PHEX: variants seen among roughly 807,000 people sequenced by gnomAD.
PHEX encodes the protein phosphate regulating endopeptidase X-linked, also known as phosphate-regulating neutral endopeptidase PHEX.
In PHEX, 16 loss-of-function variants were observed where a neutral mutation model predicts 68.0. The observed-to-expected ratio is 0.24, with a 90% CI of 0.16 to 0.36. The LOEUF (loss-of-function observed/expected upper bound fraction) is 0.36, where lower values mean the gene tolerates loss of function less well. Ranked by LOEUF, PHEX falls within the 10% of genes least tolerant of loss-of-function variation. PHEX has a pLI of 1.00. For missense variants in PHEX, 480 were observed against 575.5 expected (o/e 0.83, Z 1.70); for synonymous variants, 208 against 205.1 (o/e 1.01, Z -0.12).
At chrX:22,081,698 G>A (rs1929401717) in intron 5 of PHEX, among the ~76,000 whole-genome samples, 1 of 111,417 alleles carries the variant, frequency 9.0e-6, no homozygotes. Flanking sequence ...AATCTACACA[G>A]CGTACTTCTG....
chrX:22,068,340 G>T (rs1481176108), intron 3 of PHEX, among the ~76,000 whole-genome samples: 3 of 111,566 alleles, frequency 2.7e-5, no homozygotes, highest in Non-Finnish European at 3.8e-5. Flanking sequence ...GGAGTAGATG[G>T]CTCATCACAA....
chrX:22,096,138 A>G (rs940699897), intron 7 of PHEX, among the ~76,000 whole-genome samples: 5 of 111,891 alleles, frequency 4.5e-5, no homozygotes, highest in Middle Eastern at 4.2e-3. Flanking sequence ...GGCAAGTTTA[A>G]TGCAAGGGAA....
intron 20 of PHEX, among the ~76,000 whole-genome samples, chrX:22,234,019 C>CTGTT (rs921174628): frequency 8.9e-6 from 1 of 112,423 alleles, no homozygotes; most frequent in African/African-American, 3.2e-5. Context: ...CTGTTCCTTT[C>CTGTT]TGTTTGTTTG....
chrX:22,071,491 C>T (rs1296856265), intron 3 of PHEX, among the ~76,000 whole-genome samples: 4 of 111,897 alleles, frequency 3.6e-5, no homozygotes, highest in African/African-American at 1.3e-4. Context: ...CGAACATTCA[C>T]TAAGCACCAG....
rs5951739 is a variant in PHEX at position 22,248,773 on chromosome X, A to G, written c.*820A>G. Reference sequence around the variant, plus strand: ...CCAAAATTTTGTCCAGTCTGTATGAACTGCAGTGATTGTCTGTCTGCTAGA... The same window carrying G: ...CCAAAATTTTGTCCAGTCTGTATGAGCTGCAGTGATTGTCTGTCTGCTAGA... On this transcript the variant is annotated 3_prime_UTR_variant, in exon 22 of 22. Coordinates refer to ENST00000379374, the MANE Select transcript of PHEX (RefSeq NM_000444.6). 46,325 of 111,015 alleles carry G rather than the reference A, an allele frequency of 0.42. 8,088 individuals carry two copies. The highest frequency in any genetic ancestry group is 0.65 in the African/African-American group (19,813 of 30,499). The allele number at this position is 111,015 out of a possible 1,213,427, so 9.1% of individuals were successfully genotyped here. A position where few individuals can be genotyped will look rare whatever the true frequency, so the allele number is the denominator to read the frequency against.
chrX:22,228,226 T>G (rs1935577138), intron 20 of PHEX, among the ~76,000 whole-genome samples: 2 of 112,238 alleles, frequency 1.8e-5, no homozygotes, highest in African/African-American at 6.5e-5. Context: ...TGCCAAATCT[T>G]TATTAGCTAT....
intron 11 of PHEX, among the ~76,000 whole-genome samples, chrX:22,122,356 A>G (rs1473007127): frequency 2.7e-5 from 3 of 111,520 alleles, no homozygotes; most frequent in African/African-American, 9.8e-5. Flanking sequence ...ATCACTTTCC[A>G]GAGAAACTTT....
chrX:22,123,599 T>C (rs1931582751), intron 11 of PHEX, among the ~76,000 whole-genome samples: 1 of 111,101 alleles, frequency 9.0e-6, no homozygotes, highest in African/African-American at 3.3e-5. Context: ...GCATTTAGAT[T>C]GCCTCTTTTT....
At chrX:22,061,897 A>G (rs944123590) in intron 3 of PHEX, among the ~76,000 whole-genome samples, 3 of 111,895 alleles carry the variant, frequency 2.7e-5, no homozygotes, top group African/African-American at 9.7e-5. Context: ...TAAAGGAAAG[A>G]GGTTTAATTG....
chrX:22,239,973 T>G (rs1936127966), intron 20 of PHEX, among the ~76,000 whole-genome samples: 1 of 111,194 alleles, frequency 9.0e-6, no homozygotes, highest in African/African-American at 3.3e-5. Context: ...GGAAAAAAGG[T>G]TAAGGGGAGC....
intron 12 of PHEX, among the ~76,000 whole-genome samples, chrX:22,150,932 A>G (rs1932845187): frequency 8.9e-6 from 1 of 112,100 alleles, no homozygotes; most frequent in Non-Finnish European, 1.9e-5. Context: ...ATCGAAACAG[A>G]GCTAGGGTTT....
At chrX:22,154,907 C>T (rs1256705377) in intron 12 of PHEX, among the ~76,000 whole-genome samples, 1 of 111,842 alleles carries the variant, frequency 8.9e-6, no homozygotes, top group African/African-American at 3.3e-5. Flanking sequence ...ATGAAAATTC[C>T]CACTTGCATT....
chrX:22,092,899 G>A (rs752624680), intron 6 of PHEX, among the ~76,000 whole-genome samples: 219 of 108,377 alleles, frequency 2.0e-3, no homozygotes, highest in Non-Finnish European at 3.2e-3. Context: ...ACAGGCGTGC[G>A]CCACCACGCC....
At chrX:22,104,163 C>T (rs890615172) in intron 9 of PHEX, among the ~76,000 whole-genome samples, 8 of 111,610 alleles carry the variant, frequency 7.2e-5, no homozygotes, top group African/African-American at 2.6e-4. Flanking sequence ...TTTTTTCTTT[C>T]AGCTGCTCAT....
At chrX:22,051,168 T>C (rs1164168564) in intron 3 of PHEX, among the ~76,000 whole-genome samples, 2 of 112,375 alleles carry the variant, frequency 1.8e-5, no homozygotes, top group Non-Finnish European at 3.7e-5. Context: ...TCTTGCTTCA[T>C]ATGTCAAGAA....
At chrX:22,200,281 C>G (rs867773358) in intron 15 of PHEX, among the ~76,000 whole-genome samples, 12 of 112,369 alleles carry the variant, frequency 1.1e-4, no homozygotes, top group Middle Eastern at 9.1e-3. Flanking sequence ...TCACACTACA[C>G]TGTTCAAAAC....
rs1371722463 is a variant in PHEX at position 22,248,904 on chromosome X, A to G, written c.*951A>G. 1 of 107,759 alleles carries G rather than the reference A, an allele frequency of 9.3e-6. No homozygotes were observed. The highest frequency in any genetic ancestry group is 3.3e-5 in the African/African-American group (1 of 30,210). The allele number at this position is 107,759 out of a possible 1,213,427, so 8.9% of individuals were successfully genotyped here. ...TGAGAAAACAATTTTCTGATTCCCC[A>G]TTAGGAACATATGATTTTCATTTCC... is the stretch of plus-strand genomic sequence containing the variant. On this transcript the variant is annotated 3_prime_UTR_variant, in exon 22 of 22. Transcript: ENST00000379374.
intron 20 of PHEX, among the ~76,000 whole-genome samples, chrX:22,240,780 A>G (rs1038057796): frequency 9.0e-6 from 1 of 111,465 alleles, no homozygotes; most frequent in African/African-American, 3.3e-5. Flanking sequence ...GAGACCTACA[A>G]AGAGACTTAG....
rs981049271 is a variant in PHEX at position 22,132,621 on chromosome X, A to C, written c.1303-902A>C. ...TCCCTGCCCGTTTCTCTGTGTTAAC[A>C]GTTATCTCTTTCAACTGTTCACTTT... On this transcript the variant is annotated intron_variant, in intron 11 of 21. Transcript: ENST00000379374. 4.5e-5 allele frequency among the ~76,000 whole-genome samples: 5 copies of C among 111,954 alleles called. No individual in the cohort carries two copies. In the East Asian group the frequency reaches 1.1e-3, roughly 25 times the overall value.
Sources: allele counts gnomAD v4.1 joint callset (sites outside exome capture counted in the v4.1 genomes callset), GRCh38; gene constraint gnomAD v4.1.1; transcripts MANE v1.5; gene names NCBI Gene and HGNC (gene_info 2026-07-23, HGNC 2026-07-21).